ACCSL: variants seen among roughly 807,000 people sequenced by gnomAD.
ACCSL encodes the protein 1-aminocyclopropane-1-carboxylate synthase homolog (inactive) like.
ACCSL carries 55 observed loss-of-function variants against 61.7 expected under a neutral mutation model. The observed-to-expected ratio is 0.89, with a 90% CI of 0.72 to 1.12. The LOEUF (loss-of-function observed/expected upper bound fraction) is 1.12, where lower values mean the gene tolerates loss of function less well. ACCSL is among the 50% of genes most tolerant of loss of function. The pLI, the probability that ACCSL is intolerant of heterozygous loss-of-function variation, is 0.00. For synonymous variants in ACCSL, 258 were observed against 264.3 expected, an observed-to-expected ratio of 0.98 and a Z score of 0.23; for missense variants, 632 against 698.0, an observed-to-expected ratio of 0.91 and a Z score of 1.07.
the ACCSL span, among the ~76,000 whole-genome samples, chr11:44,020,754 G>A: frequency 6.6e-6 from 1 of 152,038 alleles, no homozygotes; most frequent in East Asian, 1.9e-4. Context: ...CTTTACCCAT[G>A]CATAGTCTTT....
At chr11:44,002,268 G>C in the ACCSL span, among the ~76,000 whole-genome samples, 1 of 152,220 alleles carries the variant, frequency 6.6e-6, no homozygotes, top group South Asian at 2.1e-4. Context: ...GCCCTGAGCT[G>C]TGGGCCTGGC....
the ACCSL span, among the ~76,000 whole-genome samples, chr11:43,946,003 C>T: frequency 3.9e-5 from 6 of 152,220 alleles, no homozygotes; most frequent in Non-Finnish European, 8.8e-5. Context: ...TGAGTAGGTG[C>T]TTCTGAAATG....
At chr11:44,000,032 A>C in the ACCSL span, among the ~76,000 whole-genome samples, 1 of 152,170 alleles carries the variant, frequency 6.6e-6, no homozygotes, top group South Asian at 2.1e-4. Context: ...TAATCCCCTC[A>C]CTTTGGAAGG....
At chr11:44,056,602 G>A (rs1444528818) in intron 11 of ACCSL, among the ~76,000 whole-genome samples, 2 of 152,190 alleles carry the variant, frequency 1.3e-5, no homozygotes, top group Non-Finnish European at 2.9e-5. Flanking sequence ...GGAGGCCGAG[G>A]TGGGCGGATC....
chr11:44,032,495 A>G, the ACCSL span, among the ~76,000 whole-genome samples: 1 of 152,202 alleles, frequency 6.6e-6, no homozygotes, highest in Non-Finnish European at 1.5e-5. Flanking sequence ...GGAGGATGAA[A>G]TAACATTGCC....
chr11:43,979,927 A>G, the ACCSL span, among the ~76,000 whole-genome samples: 3 of 152,198 alleles, frequency 2.0e-5, no homozygotes, highest in East Asian at 5.8e-4. Flanking sequence ...TAGATGTAAA[A>G]ATTTTCTGTA....
chr11:43,988,370 G>A, the ACCSL span, among the ~76,000 whole-genome samples: 3 of 152,128 alleles, frequency 2.0e-5, no homozygotes, highest in Admixed American at 6.6e-5. Context: ...ATCAATAGGC[G>A]TTTTATTACT....
At chr11:43,963,176 A>C in the ACCSL span, among the ~76,000 whole-genome samples, 1 of 152,346 alleles carries the variant, frequency 6.6e-6, no homozygotes, top group Non-Finnish European at 1.5e-5. Flanking sequence ...CCCATGGAGA[A>C]GGGTTGAGTG....
At chr11:44,036,598 A>G in the ACCSL span, among the ~76,000 whole-genome samples, 2 of 151,780 alleles carry the variant, frequency 1.3e-5, no homozygotes. Flanking sequence ...CCTGGCCAAC[A>G]TGGCAAAACC....
upstream of ACCSL, among the ~76,000 whole-genome samples, chr11:44,043,488 C>T (rs1305803792): frequency 6.6e-6 from 1 of 152,004 alleles, no homozygotes; most frequent in Non-Finnish European, 1.5e-5. Context: ...CATTTTTTTC[C>T]TGGATTGCTT....
chr11:44,008,989 A>C, the ACCSL span, among the ~76,000 whole-genome samples: 1 of 152,162 alleles, frequency 6.6e-6, no homozygotes, highest in Non-Finnish European at 1.5e-5. Flanking sequence ...CAACATGGCG[A>C]GACCCTGTCT....
At chr11:44,006,768 G>A in the ACCSL span, among the ~76,000 whole-genome samples, 1 of 152,098 alleles carries the variant, frequency 6.6e-6, no homozygotes, top group African/African-American at 2.4e-5. Context: ...GCCTCTCAAA[G>A]TGCTGGGAAT....
In ACCSL at chr11:44,056,046, T is replaced by C; in HGVS notation, c.1146T>C (p.Pro382=). ...TTTTCCACTTCTTCTTCAGTTTGCCTGATAGCAACAGGACCCATGTGATCT... is the reference window on the plus strand; with the variant it reads ...TTTTCCACTTCTTCTTCAGTTTGCCCGATAGCAACAGGACCCATGTGATCT... The part of the protein sequence containing the change: ...FHSILSMKSL[P]DSNRTHVIWG... The change falls in exon 10 of 14, where the codon CCT becomes CCC. Residue 382 remains proline (P), a synonymous_variant. Transcript: ENST00000378832. 1 of 1,614,258 alleles carries C rather than the reference T, an allele frequency of 6.2e-7. No individual in the cohort carries two copies. Among genetic ancestry groups the C allele is most frequent in the Non-Finnish European group, 8.5e-7 (1 of 1,180,046 alleles).
the ACCSL span, among the ~76,000 whole-genome samples, chr11:43,954,842 C>A: frequency 3.3e-5 from 5 of 152,164 alleles, no homozygotes; most frequent in South Asian, 2.1e-4. Context: ...GCCTCAGCCT[C>A]CCAAAGTGCT....
At chr11:44,003,723 C>G in the ACCSL span, among the ~76,000 whole-genome samples, 1 of 152,130 alleles carries the variant, frequency 6.6e-6, no homozygotes, top group African/African-American at 2.4e-5. Flanking sequence ...CCTATACAAC[C>G]GAAATTCTAT....
chr11:44,039,401 G>C, the ACCSL span, among the ~76,000 whole-genome samples: 1 of 152,170 alleles, frequency 6.6e-6, no homozygotes, highest in East Asian at 1.9e-4. Flanking sequence ...AGTAACTCAG[G>C]AATGGAAAAC....
the ACCSL span, among the ~76,000 whole-genome samples, chr11:43,951,046 A>T: frequency 6.6e-6 from 1 of 152,222 alleles, no homozygotes; most frequent in African/African-American, 2.4e-5. Flanking sequence ...AGCATCTGGT[A>T]AAAACCATTT....
the ACCSL span, among the ~76,000 whole-genome samples, chr11:43,949,100 C>G: frequency 6.6e-6 from 1 of 152,184 alleles, no homozygotes; most frequent in East Asian, 1.9e-4. Context: ...CCCAGTCTTC[C>G]CAGCTCCTTC....
the ACCSL span, among the ~76,000 whole-genome samples, chr11:43,948,531 T>C: frequency 6.6e-6 from 1 of 152,184 alleles, no homozygotes; most frequent in Admixed American, 6.5e-5. Context: ...TGGAGCGCAG[T>C]GGAGCAATCT....
Sources: gnomAD v4.1 joint callset for allele counts (sites outside exome capture counted in the v4.1 genomes callset) on GRCh38, gnomAD v4.1.1 for gene constraint, MANE v1.5 for transcripts, NCBI Gene and HGNC (gene_info 2026-07-23, HGNC 2026-07-21) for gene names.